The following BARHL1 variants were observed in gnomAD, a reference collection of about 807,000 sequenced individuals.
BARHL1 encodes the protein BarH like homeobox 1, also known as barH-like 1 homeobox protein.
In BARHL1, 2 loss-of-function variants were observed where a neutral mutation model predicts 20.1. The observed-to-expected ratio is 0.10, with a 90% confidence interval of 0.04 to 0.31. The LOEUF is 0.31. BARHL1 is among the 10% of genes least tolerant of loss of function. The pLI is 1.00. For synonymous variants in BARHL1, 213 were observed against 209.9 expected, an observed-to-expected ratio of 1.01 and a Z score of -0.13; for missense variants, 397 against 454.0, an observed-to-expected ratio of 0.87 and a Z score of 1.14.
rs1589939535 is a variant in BARHL1 at position 132,589,594 on chromosome 9, C to T, written c.*72C>T. 8.1e-7 allele frequency: 1 copy of T among 1,238,178 alleles called. No individual in the cohort carries two copies. The highest frequency in any genetic ancestry group is 3.4e-5 in the East Asian group (1 of 29,730). The allele number at this position is 1,238,178 out of a possible 1,614,324, so 76.7% of individuals were successfully genotyped here. ...CCTTCCGCCCGCCTTTCTGAGGGCG[C>T]AGGTTCGACGCCCTTTCCCGGGAGG... is the stretch of plus-strand genomic sequence containing the variant. On this transcript the variant is annotated 3_prime_UTR_variant, in exon 3 of 3. Coordinates refer to ENST00000263610, the MANE Select transcript of BARHL1 (RefSeq NM_020064.4).
At chr9:132,585,985 C>A (rs943170232) in intron 1 of BARHL1, among the ~76,000 whole-genome samples, 7 of 152,258 alleles carry the variant, frequency 4.6e-5, no homozygotes, top group Admixed American at 3.9e-4. Flanking sequence ...CCTATTCCAA[C>A]ACATATCCTT....
chr9:132,583,180 G>A lies in BARHL1; in HGVS notation c.383G>A (p.Arg128His), dbSNP rs1297335836. 6.2e-7 allele frequency: 1 copy of A among 1,613,486 alleles called. No individual in the cohort carries two copies. Among genetic ancestry groups the A allele is most frequent in the Non-Finnish European group, 8.5e-7 (1 of 1,179,936 alleles). ...CCGGCAGCCCCTGAGCCTGGGGGCCGCCTTGCGGCCAAGGCCGCGGAGGAC... is the reference window on the plus strand; with the variant it reads ...CCGGCAGCCCCTGAGCCTGGGGGCCACCTTGCGGCCAAGGCCGCGGAGGAC... ...GQPAAPEPGG[R>H]LAAKAAEDFR... is the part of the protein sequence containing the mutation. The change falls in exon 1 of 3, where the codon CGC becomes CAC. Residue 128 changes from arginine to histidine, a missense_variant. Physicochemically the swap from Arg to His is conservative, Grantham distance 29. Around this residue, in one of 3 missense-constraint regions of BARHL1, gnomAD observed 272 missense variants for 298.7 expected, o/e 0.91. Transcript: ENST00000263610.
intron 2 of BARHL1, among the ~76,000 whole-genome samples, chr9:132,588,630 C>G (rs1589939039): frequency 6.6e-6 from 1 of 152,070 alleles, no homozygotes; most frequent in East Asian, 1.9e-4. Context: ...GCGCAGGGCT[C>G]GCAGTGCGAG....
intron 1 of BARHL1, among the ~76,000 whole-genome samples, chr9:132,583,580 C>T (rs1047029046): frequency 6.6e-6 from 1 of 152,220 alleles, no homozygotes; most frequent in Non-Finnish European, 1.5e-5. Flanking sequence ...TGGACAGGAG[C>T]AGGTCCCAAT....
At chr9:132,583,353 G>A in intron 1 of BARHL1, 90 bp downstream of exon 1, 3 of 1,191,486 alleles carry the variant, frequency 2.5e-6, no homozygotes, top group Non-Finnish European at 2.3e-6. Context: ...ACATGCACTC[G>A]CTCACCTGGG....
In BARHL1 at chr9:132,589,840, T is replaced by C. The variant is rs542676027; in HGVS notation, c.*318T>C. ...TCTGCCGGCTCCCCTAGGCAACCCC[T>C]TTCTCCCCAGGAGCGGGTGCGGCTG... On this transcript the variant is annotated 3_prime_UTR_variant, in exon 3 of 3. Coordinates refer to ENST00000263610, the MANE Select transcript of BARHL1 (RefSeq NM_020064.4). 10 of 237,572 alleles carry C rather than the reference T, an allele frequency of 4.2e-5. No homozygotes were observed. The highest frequency in any genetic ancestry group is 1.7e-4 in the Admixed American group (3 of 17,396). 14.7% of individuals were successfully genotyped at this position (237,572 alleles called of 1,614,324 possible).
In BARHL1 at chr9:132,587,514, A is replaced by G. The variant is rs1166635918; in HGVS notation, c.652A>G (p.Thr218Ala). 6.2e-7 allele frequency: 1 copy of G among 1,612,374 alleles called. No individual in the cohort carries two copies. The highest frequency in any genetic ancestry group is 1.7e-5 in the Admixed American group (1 of 59,876). The change falls in exon 2 of 3, where the codon ACC becomes GCC. Residue 218 changes from threonine to alanine, a missense_variant. By Grantham distance (58) the Thr-to-Ala change is moderately conservative. Transcript: ENST00000263610. The surrounding 1 kb of genome is among the most constrained non-coding windows in gnomAD (Gnocchi z 5.5). Reference sequence around the variant, plus strand: ...GGAGCTCGCCGCCTCGCTCAACCTCACCGACACGCAGGTCAAGACCTGGTA... The same window carrying G: ...GGAGCTCGCCGCCTCGCTCAACCTCGCCGACACGCAGGTCAAGACCTGGTA... ...RMELAASLNL[T>A]DTQVKTWYQN... is the part of the protein sequence containing the mutation.
In BARHL1 at chr9:132,587,199, C is replaced by T; in HGVS notation, c.467-130C>T. On this transcript the variant is annotated intron_variant, in intron 1 of 2. Transcript: ENST00000263610. This position sits in a 1 kb window ranked among gnomAD's most constrained non-coding sequence, Gnocchi z 5.5. ...CCCCAGAGGTCCCGTCTGAGAGCGG[C>T]CCCCGCGAGCTTGGGTGTCGCGGAA... 1 of 886,914 alleles carries T rather than the reference C, an allele frequency of 1.1e-6. No individual in the cohort carries two copies. Among genetic ancestry groups the T allele is most frequent in the Non-Finnish European group, 1.7e-6 (1 of 580,236 alleles). The allele number at this position is 886,914 out of a possible 1,614,324, so 54.9% of individuals were successfully genotyped here. A position where few individuals can be genotyped will look rare whatever the true frequency, so the allele number is the denominator to read the frequency against.
At chr9:132,585,373 C>T (rs906061070) in intron 1 of BARHL1, among the ~76,000 whole-genome samples, 6 of 152,200 alleles carry the variant, frequency 3.9e-5, no homozygotes, top group African/African-American at 7.2e-5. Context: ...ACTCTCCAGC[C>T]GCCTTCCAAG....
chr9:132,587,274 G>C lies in BARHL1; in HGVS notation c.467-55G>C. Reference sequence around the variant, plus strand: ...ACACAAACGCCACGGGCAGGAGCGGGAGGGCACCGGCGGCGGCTGCGAGGC... The same window carrying C: ...ACACAAACGCCACGGGCAGGAGCGGCAGGGCACCGGCGGCGGCTGCGAGGC... On this transcript the variant is annotated intron_variant, in intron 1 of 2. Coordinates refer to ENST00000263610, the MANE Select transcript of BARHL1 (RefSeq NM_020064.4). This position sits in a 1 kb window ranked among gnomAD's most constrained non-coding sequence, Gnocchi z 5.5. 6.7e-7 allele frequency: 1 copy of C among 1,484,110 alleles called. No individual in the cohort carries two copies. The highest frequency in any genetic ancestry group is 9.1e-7 in the Non-Finnish European group (1 of 1,093,428). 91.9% of individuals were successfully genotyped at this position (1,484,110 alleles called of 1,614,324 possible). A position where few individuals can be genotyped will look rare whatever the true frequency, so the allele number is the denominator to read the frequency against.
At chr9:132,588,773 A>T (rs1168231905) in intron 2 of BARHL1, among the ~76,000 whole-genome samples, 1 of 147,866 alleles carries the variant, frequency 6.8e-6, no homozygotes, top group Non-Finnish European at 1.5e-5. Flanking sequence ...AGAGGAATCA[A>T]TCGCATTCCC....
At chr9:132,585,665 G>C (rs1410635830) in intron 1 of BARHL1, among the ~76,000 whole-genome samples, 7 of 152,086 alleles carry the variant, frequency 4.6e-5, no homozygotes, top group African/African-American at 1.7e-4. Flanking sequence ...AGTACCCCCT[G>C]GGCTGAGCCT....
Position 132,587,503 on chromosome 9 carries a change from CG to C in BARHL1, c.642del (p.Leu215SerfsTer285). 1 of 1,612,630 alleles carries C rather than the reference CG, an allele frequency of 6.2e-7. No homozygotes were observed. The highest frequency in any genetic ancestry group is 8.5e-7 in the Non-Finnish European group (1 of 1,179,580). On this transcript the variant is annotated frameshift_variant, in exon 2 of 3. Coordinates refer to ENST00000263610, the MANE Select transcript of BARHL1 (RefSeq NM_020064.4). LOFTEE classifies it high-confidence loss of function. The surrounding 1 kb of genome is among the most constrained non-coding windows in gnomAD (Gnocchi z 5.5). The part of the protein sequence containing the change: ...SVQDRMELAA[S>X]LNLTDTQVKT... ...CAGGACCGCATGGAGCTCGCCGCCT[CG>C]CTCAACCTCACCGACACGCAGGTCA...
rs947811203 is a variant in BARHL1 at position 132,589,765 on chromosome 9, C to T, written c.*243C>T. On this transcript the variant is annotated 3_prime_UTR_variant, in exon 3 of 3. Coordinates refer to ENST00000263610, the MANE Select transcript of BARHL1 (RefSeq NM_020064.4). Reference sequence around the variant, plus strand: ...GCGGCCGCTCTGTCCGGGAGCCATCCCCACCCGCCGGGTGTACATACGCGT... The same window carrying T: ...GCGGCCGCTCTGTCCGGGAGCCATCTCCACCCGCCGGGTGTACATACGCGT... 1.2e-5 allele frequency: 5 copies of T among 424,560 alleles called. No individual in the cohort carries two copies. Among genetic ancestry groups the T allele is most frequent in the Non-Finnish European group, 1.5e-5 (4 of 265,936 alleles). The allele number at this position is 424,560 out of a possible 1,614,324, so 26.3% of individuals were successfully genotyped here.
At chr9:132,584,100 A>G (rs1170700505) in intron 1 of BARHL1, among the ~76,000 whole-genome samples, 1 of 151,052 alleles carries the variant, frequency 6.6e-6, no homozygotes, top group African/African-American at 2.4e-5. Flanking sequence ...AGGAGATGAG[A>G]TCAGGGTTAA....
chr9:132,585,791 A>G (rs1830137448), intron 1 of BARHL1, among the ~76,000 whole-genome samples: 1 of 152,232 alleles, frequency 6.6e-6, no homozygotes, highest in Non-Finnish European at 1.5e-5. Context: ...TCCTGACACC[A>G]CAAACTGAAT....
chr9:132,583,235 C>A lies in BARHL1; in HGVS notation c.438C>A (p.Ser146Arg). 2.5e-6 allele frequency: 4 copies of A among 1,612,258 alleles called. No homozygotes were observed. The highest frequency in any genetic ancestry group is 3.4e-6 in the Non-Finnish European group (4 of 1,179,148). Residue 146 changes from serine to arginine, a missense_variant, in exon 1 of 3, where the codon AGC (serine) becomes AGA (arginine). Physicochemically the swap from Ser to Arg is moderately radical, Grantham distance 110 (BLOSUM62 -1). Transcript: ENST00000263610. ...DFRDKLDKSG[S>R]NASSDSEYKV... Reference sequence around the variant, plus strand: ...GAGACAAGCTGGACAAAAGTGGCAGCAACGCCTCATCGGACTCTGAGTATA... The same window carrying A: ...GAGACAAGCTGGACAAAAGTGGCAGAAACGCCTCATCGGACTCTGAGTATA...
chr9:132,583,430 G>A (rs1023845616), intron 1 of BARHL1, among the ~76,000 whole-genome samples, 167 bp downstream of exon 1: 11 of 152,252 alleles, frequency 7.2e-5, no homozygotes, highest in African/African-American at 2.7e-4. Flanking sequence ...CTGTGGTTAT[G>A]CCTTTGAGCA....
Position 132,587,264 on chromosome 9 carries a change from G to C in BARHL1, c.467-65G>C. ...AGCCGAGGTTACACAAACGCCACGG[G>C]CAGGAGCGGGAGGGCACCGGCGGCG... is the stretch of plus-strand genomic sequence containing the variant. On this transcript the variant is annotated intron_variant, in intron 1 of 2. Transcript: ENST00000263610. This position sits in a 1 kb window ranked among gnomAD's most constrained non-coding sequence, Gnocchi z 5.5. 1 of 1,423,878 alleles carries C rather than the reference G, an allele frequency of 7.0e-7. No individual in the cohort carries two copies. Among genetic ancestry groups the C allele is most frequent in the East Asian group, 2.4e-5 (1 of 40,836 alleles). 88.2% of individuals were successfully genotyped at this position (1,423,878 alleles called of 1,614,324 possible).
Sources: gnomAD v4.1 joint callset for allele counts (sites outside exome capture counted in the v4.1 genomes callset) on GRCh38, gnomAD v4.1.1 for gene constraint, gnomAD v4.1.1 regional missense constraint, Gnocchi (gnomAD v3.1) non-coding constraint, MANE v1.5 for transcripts, NCBI Gene and HGNC (gene_info 2026-07-23, HGNC 2026-07-21) for gene names.